CD99L2: variants seen among roughly 807,000 people sequenced by gnomAD.
The protein encoded by CD99L2 is CD99 antigen-like protein 2.
In CD99L2, 24 loss-of-function variants were observed where a neutral mutation model predicts 27.3. That is an observed-to-expected ratio of 0.88 (90% CI 0.64 to 1.24). The LOEUF is 1.24. Ranked by LOEUF, CD99L2 falls within the 50% of genes most tolerant of loss-of-function variation. The probability of loss-of-function intolerance (pLI) is 0.00; values close to 1 mark genes in which losing one functional copy is unlikely to be tolerated. For missense variants in CD99L2, 255 were observed against 221.6 expected (o/e 1.15, Z -0.96); for synonymous variants, 97 against 87.9 (o/e 1.10, Z -0.58).
At chrX:150,786,735 T>C (rs1461721458) in intron 7 of CD99L2, among the ~76,000 whole-genome samples, 1 of 112,271 alleles carries the variant, frequency 8.9e-6, no homozygotes, top group Non-Finnish European at 1.9e-5. Context: ...ATATACTAAA[T>C]AATGGCATTG....
intron 1 of CD99L2, among the ~76,000 whole-genome samples, chrX:150,859,373 G>A (rs992901378): frequency 9.0e-6 from 1 of 110,851 alleles, no homozygotes; most frequent in Non-Finnish European, 1.9e-5. Flanking sequence ...GTGGCACGCA[G>A]CTATAATCCC....
rs1453869695 is a variant in CD99L2, at chrX:150,768,728, C to T, written c.*306G>A. On this transcript the variant is annotated 3_prime_UTR_variant, in exon 11 of 11. Transcript: ENST00000370377. ...CAGGCCTCAGCATCATCTTGGCCCC[C>T]GCATCCTGTGCTCAGTAAAGCTGGA... The T allele has an allele frequency of 5.3e-5, 18 of 336,714 alleles. No individual in the cohort carries two copies. The highest frequency in any genetic ancestry group is 1.3e-4 in the Admixed American group (2 of 15,861). The allele number at this position is 336,714 out of a possible 1,213,427, so 27.7% of individuals were successfully genotyped here.
intron 7 of CD99L2, 48 bp downstream of exon 7, chrX:150,793,643 C>G (rs1300071809): frequency 9.4e-7 from 1 of 1,065,217 alleles, no homozygotes; most frequent in Non-Finnish European, 1.3e-6. Flanking sequence ...GCATAATCAC[C>G]TTTTTCACCA....
chrX:150,776,645 C>A lies in CD99L2; in HGVS notation c.536-352G>T, dbSNP rs782257496. 4.5e-5 allele frequency among the ~76,000 whole-genome samples: 5 copies of A among 111,843 alleles called. No individual in the cohort carries two copies. The South Asian group carries it at 1.9e-3, about 42-fold the overall frequency. ...CTTCCTTCCTTCAAATGGCTACACCCCTCTATTGGCCTCATGATTATCTAT... is the reference window on the plus strand; with the variant it reads ...CTTCCTTCCTTCAAATGGCTACACCACTCTATTGGCCTCATGATTATCTAT... On this transcript the variant is annotated intron_variant, in intron 8 of 10. Transcript: ENST00000370377.
chrX:150,771,145 C>T (rs1251038217), intron 9 of CD99L2, among the ~76,000 whole-genome samples: 1 of 111,939 alleles, frequency 8.9e-6, no homozygotes, highest in East Asian at 2.8e-4. Context: ...AACCCTTCAG[C>T]CCCGGGTCTG....
chrX:150,828,179 A>AT (rs1245521265), intron 2 of CD99L2: 1 of 111,767 alleles, frequency 8.9e-6, no homozygotes, highest in Non-Finnish European at 1.9e-5. Context: ...TTTGTCAGGA[A>AT]TTGTGTTGAG....
At chrX:150,884,770 G>A (rs1019682369) in intron 1 of CD99L2, among the ~76,000 whole-genome samples, 1 of 112,216 alleles carries the variant, frequency 8.9e-6, no homozygotes, top group East Asian at 2.8e-4. Flanking sequence ...GGTCCTCAGA[G>A]CACAGTGTGA....
intron 4 of CD99L2, among the ~76,000 whole-genome samples, chrX:150,798,904 C>T (rs2045857844): frequency 9.0e-6 from 1 of 111,675 alleles, no homozygotes; most frequent in African/African-American, 3.3e-5. Flanking sequence ...GCGTGCACCA[C>T]CATGCCCAGC....
intron 7 of CD99L2, among the ~76,000 whole-genome samples, chrX:150,779,418 G>A (rs1218198551): frequency 8.9e-6 from 1 of 112,502 alleles, no homozygotes; most frequent in Non-Finnish European, 1.9e-5. Context: ...AGATGGGCAT[G>A]TGAACTGAAA....
At chrX:150,830,199 A>C (rs1557421023) in intron 2 of CD99L2, among the ~76,000 whole-genome samples, 1 of 111,081 alleles carries the variant, frequency 9.0e-6, no homozygotes, top group Non-Finnish European at 1.9e-5. Flanking sequence ...AAAATGAAAA[A>C]AAAAAGGAAA....
At chrX:150,861,936 A>T (rs1452503388) in intron 1 of CD99L2, among the ~76,000 whole-genome samples, 2 of 105,682 alleles carry the variant, frequency 1.9e-5, no homozygotes, top group Admixed American at 2.0e-4. Context: ...AGAGAGAGAG[A>T]GTACTATAAA....
intron 4 of CD99L2, among the ~76,000 whole-genome samples, chrX:150,797,679 A>C (rs1557419941): frequency 8.9e-6 from 1 of 112,058 alleles, no homozygotes; most frequent in African/African-American, 3.2e-5. Context: ...CTTACTACAA[A>C]ACTACAAATA....
chrX:150,787,971 G>A (rs903418646), intron 7 of CD99L2, among the ~76,000 whole-genome samples: 11 of 98,496 alleles, frequency 1.1e-4, no homozygotes, highest in African/African-American at 4.0e-4. Context: ...TTTTGTTGAA[G>A]ATCAGATGGC....
intron 7 of CD99L2, among the ~76,000 whole-genome samples, chrX:150,792,427 A>G (rs4240081): frequency 9.0e-6 from 1 of 110,960 alleles, no homozygotes; most frequent in Non-Finnish European, 1.9e-5. Flanking sequence ...GTTCCATGTT[A>G]TCCTGACACC....
intron 1 of CD99L2, among the ~76,000 whole-genome samples, chrX:150,892,111 C>T (rs1205553865): frequency 9.0e-6 from 1 of 110,635 alleles, no homozygotes; most frequent in Non-Finnish European, 1.9e-5. Context: ...GTTCCAGCTA[C>T]TCGGGAGGCT....
At chrX:150,848,729 G>T (rs2046743995) in intron 1 of CD99L2, among the ~76,000 whole-genome samples, 1 of 111,168 alleles carries the variant, frequency 9.0e-6, no homozygotes, top group Non-Finnish European at 1.9e-5. Flanking sequence ...TTCTCAGCCA[G>T]GGAGGATGAG....
chrX:150,888,334 G>C (rs1557422683), intron 1 of CD99L2, among the ~76,000 whole-genome samples: 1 of 112,047 alleles, frequency 8.9e-6, no homozygotes, highest in Non-Finnish European at 1.9e-5. Context: ...CCGTACAATA[G>C]AATACTATTC....
chrX:150,892,726 C>T (rs149345052), intron 1 of CD99L2, among the ~76,000 whole-genome samples: 18,828 of 108,687 alleles, frequency 0.17, 1,359 homozygotes, highest in South Asian at 0.32. Flanking sequence ...TCTGAGCAGA[C>T]AAAATGGGCC....
intron 7 of CD99L2, among the ~76,000 whole-genome samples, chrX:150,784,083 T>A (rs949146423): frequency 9.0e-6 from 1 of 110,827 alleles, no homozygotes; most frequent in Non-Finnish European, 1.9e-5. Flanking sequence ...AGGGGATCCT[T>A]AAGGAGCACA....
Sources: gnomAD v4.1 joint callset for allele counts (sites outside exome capture counted in the v4.1 genomes callset) on GRCh38, gnomAD v4.1.1 for gene constraint, MANE v1.5 for transcripts, NCBI Gene and HGNC (gene_info 2026-07-23, HGNC 2026-07-21) for gene names.